GARNL3: variants seen among roughly 807,000 people sequenced by gnomAD.
GARNL3 encodes the protein GTPase activating Rap/RanGAP domain like 3.
GARNL3 carries 63 observed loss-of-function variants against 125.0 expected under a neutral mutation model. The ratio of observed to expected loss-of-function variants is 0.50; its 90% CI spans 0.41 to 0.62. The LOEUF is 0.62. Ranked by LOEUF, GARNL3 falls within the 20% of genes least tolerant of loss-of-function variation. GARNL3 has a pLI of 0.00. For missense variants in GARNL3, 994 were observed against 1,244.0 expected (o/e 0.80, Z 3.02); for synonymous variants, 439 against 457.5 (o/e 0.96, Z 0.52).
intron 1 of GARNL3, among the ~76,000 whole-genome samples, chr9:127,283,601 T>C (rs2064159492): frequency 6.6e-6 from 1 of 152,180 alleles, no homozygotes; most frequent in Non-Finnish European, 1.5e-5. Context: ...GCCCAGGAGG[T>C]CAAAGCTGCA....
At position 127,339,879 on chromosome 9, in the gene GARNL3, A is replaced by C. The variant is rs1333174531; in HGVS notation, c.1135+128A>C. 8 of 710,244 alleles carry C rather than the reference A, an allele frequency of 1.1e-5. No homozygotes were observed. In the East Asian group the frequency reaches 2.0e-4, roughly 18 times the overall value. The allele number at this position is 710,244 out of a possible 1,614,324, so 44.0% of individuals were successfully genotyped here. A position where few individuals can be genotyped will look rare whatever the true frequency, so the allele number is the denominator to read the frequency against. ...ATTCCATGTTCCGTTAATTCTTTGC[A>C]CAACATGTGTTTAGTATTCTGGTCA... On this transcript the variant is annotated intron_variant, in intron 13 of 27. Coordinates refer to ENST00000373387, the MANE Select transcript of GARNL3 (RefSeq NM_032293.5).
At chr9:127,341,258 T>C (rs1829845352) in intron 13 of GARNL3, among the ~76,000 whole-genome samples, 1 of 152,176 alleles carries the variant, frequency 6.6e-6, no homozygotes, top group Non-Finnish European at 1.5e-5. Context: ...TTATTTCAAA[T>C]GCTACAACAA....
intron 1 of GARNL3, among the ~76,000 whole-genome samples, chr9:127,278,119 A>AT (rs2064004869): frequency 6.6e-6 from 1 of 152,094 alleles, no homozygotes; most frequent in Non-Finnish European, 1.5e-5. Context: ...TTTTTAATAT[A>AT]TTTTTCCGAT....
rs561335955 is a variant in GARNL3, at chr9:127,346,652, G to A, written c.1431+1175G>A. On this transcript the variant is annotated intron_variant, in intron 16 of 27. Transcript: ENST00000373387. ...TGTTCACCAGGTAATAACAGAGCGA[G>A]CGTCCATTGTTGAGGTCAGTACTTA... Among the ~76,000 whole-genome samples the A allele has an allele frequency of 2.0e-5, 3 of 152,330 alleles. No individual in the cohort carries two copies. The South Asian group carries it at 6.2e-4, about 32-fold the overall frequency.
At chr9:127,361,163 T>C (rs1208206013) in intron 21 of GARNL3, among the ~76,000 whole-genome samples, 1 of 152,248 alleles carries the variant, frequency 6.6e-6, no homozygotes, top group Non-Finnish European at 1.5e-5. Flanking sequence ...CAGTTCCTAC[T>C]TCACTTGTTA....
intron 1 of GARNL3, among the ~76,000 whole-genome samples, chr9:127,283,507 C>CA (rs2131340769): frequency 6.6e-6 from 1 of 152,050 alleles, no homozygotes; most frequent in Admixed American, 6.5e-5. Flanking sequence ...CCTGTCTTTA[C>CA]AAAAAATAAA....
chr9:127,386,542 A>C (rs1005894946), intron 24 of GARNL3, among the ~76,000 whole-genome samples: 4 of 152,224 alleles, frequency 2.6e-5, no homozygotes, highest in African/African-American at 9.6e-5. Context: ...CCACACAGAC[A>C]CTGTTGGTGT....
intron 20 of GARNL3, 80 bp from the exon 21 acceptor site, chr9:127,357,139 G>A (rs1830730374): frequency 2.1e-6 from 3 of 1,418,840 alleles, no homozygotes; most frequent in Non-Finnish European, 3.0e-6. Context: ...TCTGTAAGGA[G>A]GGAATGGGCA....
At chr9:127,337,535 G>A (rs779698451) in intron 11 of GARNL3, among the ~76,000 whole-genome samples, 104 of 152,158 alleles carry the variant, frequency 6.8e-4, no homozygotes, top group Non-Finnish European at 1.3e-3. Context: ...AGGGGAGGAA[G>A]AAGAGTGGGA....
intron 7 of GARNL3, among the ~76,000 whole-genome samples, chr9:127,331,592 C>T (rs566207788): frequency 2.6e-5 from 4 of 152,092 alleles, no homozygotes; most frequent in Admixed American, 2.0e-4. Flanking sequence ...CCCTGTTCCT[C>T]TGTCTTCCTC....
chr9:127,231,351 C>T (rs1265370797), intron 1 of GARNL3, among the ~76,000 whole-genome samples: 1 of 150,292 alleles, frequency 6.7e-6, no homozygotes, highest in Non-Finnish European at 1.5e-5. Flanking sequence ...GGATTACAGG[C>T]GTGAGCCACT....
At chr9:127,377,635 A>C (rs1169347898) in intron 22 of GARNL3, among the ~76,000 whole-genome samples, 1 of 151,798 alleles carries the variant, frequency 6.6e-6, no homozygotes, top group Non-Finnish European at 1.5e-5. Flanking sequence ...AAAAATACAA[A>C]AATTAGCCGG....
intron 1 of GARNL3, among the ~76,000 whole-genome samples, chr9:127,287,273 G>C (rs552389014): frequency 6.6e-6 from 1 of 152,240 alleles, no homozygotes; most frequent in South Asian, 2.1e-4. Flanking sequence ...AGGGCTTCTA[G>C]GTTGTGCAGT....
chr9:127,228,413 T>G (rs1173964192), intron 1 of GARNL3, among the ~76,000 whole-genome samples: 1 of 152,186 alleles, frequency 6.6e-6, no homozygotes, highest in Non-Finnish European at 1.5e-5. Flanking sequence ...CAATTTATAG[T>G]CCCCCAAGGG....
intron 1 of GARNL3, among the ~76,000 whole-genome samples, chr9:127,270,079 C>T (rs2131287758): frequency 6.6e-6 from 1 of 152,152 alleles, no homozygotes; most frequent in South Asian, 2.1e-4. Context: ...TGTCTTTGAG[C>T]CATTTTGAGT....
At chr9:127,281,615 C>G (rs994753797) in intron 1 of GARNL3, among the ~76,000 whole-genome samples, 1 of 152,166 alleles carries the variant, frequency 6.6e-6, no homozygotes, top group Non-Finnish European at 1.5e-5. Flanking sequence ...CTACCCCTTC[C>G]CCCTACTCTG....
intron 1 of GARNL3, among the ~76,000 whole-genome samples, chr9:127,283,214 A>T (rs886201875): frequency 7.2e-5 from 11 of 152,306 alleles, no homozygotes; most frequent in Admixed American, 5.9e-4. Flanking sequence ...TTATACATAA[A>T]AATATGTATA....
intron 12 of GARNL3, among the ~76,000 whole-genome samples, chr9:127,339,392 G>A (rs1406723025): frequency 1.3e-5 from 2 of 152,096 alleles, no homozygotes; most frequent in Non-Finnish European, 2.9e-5. Flanking sequence ...TGTCTTACAT[G>A]GTGGCGGCAA....
rs1238886736 is a variant in GARNL3, at chr9:127,355,440, G to C, written c.1903G>C (p.Glu635Gln). ...CACCTCATTGTTATCTCCCCTGTCTGAGTCACCTGTTGAAGAATTCCAGTA... is the reference window on the plus strand; with the variant it reads ...CACCTCATTGTTATCTCCCCTGTCTCAGTCACCTGTTGAAGAATTCCAGTA... ...TSTSLLSPLSESPVEEFQYIR... is the reference protein window; with the variant it reads ...TSTSLLSPLSQSPVEEFQYIR... Residue 635 changes from glutamate to glutamine, a missense_variant, in exon 20 of 28, where the codon GAG (glutamate) becomes CAG (glutamine). Around this residue, in one of 5 missense-constraint regions of GARNL3, gnomAD observed 728 missense variants for 865.7 expected, o/e 0.84. Transcript: ENST00000373387. 1.2e-6 allele frequency: 2 copies of C among 1,614,228 alleles called. No individual in the cohort carries two copies. The highest frequency in any genetic ancestry group is 1.7e-6 in the Non-Finnish European group (2 of 1,180,026).
Sources: gnomAD v4.1 joint callset for allele counts (sites outside exome capture counted in the v4.1 genomes callset) on GRCh38, gnomAD v4.1.1 for gene constraint, gnomAD v4.1.1 regional missense constraint, MANE v1.5 for transcripts, NCBI Gene and HGNC (gene_info 2026-07-23, HGNC 2026-07-21) for gene names.